ZC3H7A: variants seen among roughly 807,000 people sequenced by gnomAD.
ZC3H7A encodes the protein zinc finger CCCH-type containing 7A, also known as zinc finger CCCH domain-containing protein 7A.
Under a neutral mutation model 125.5 loss-of-function variants are expected in ZC3H7A, and 44 were observed. The ratio of observed to expected loss-of-function variants is 0.35; its 90% confidence interval spans 0.28 to 0.45. The LOEUF is 0.45. ZC3H7A is among the 20% of genes least tolerant of loss of function. The probability of loss-of-function intolerance (pLI) is 1.00; values close to 1 mark genes in which losing one functional copy is unlikely to be tolerated. For missense variants in ZC3H7A, 977 were observed against 1,170.7 expected, an observed-to-expected ratio of 0.83 and a Z score of 2.41; for synonymous variants, 399 against 391.2, an observed-to-expected ratio of 1.02 and a Z score of -0.23.
chr16:11,769,710 C>CAAAAAAAAAAAAAAAAAAAAAAAAA (rs529124830), intron 10 of ZC3H7A, among the ~76,000 whole-genome samples: 12 of 32,552 alleles, frequency 3.7e-4, no homozygotes, highest in Non-Finnish European at 4.3e-4. Context: ...GACTCTGTCT[C>CAAAAAAAAAAAAAAAAAAAAAAAAA]AAAAAAAAAA....
Position 11,776,908 on chromosome 16 carries a change from C to T in ZC3H7A, c.308G>A (p.Gly103Asp). 6.3e-7 allele frequency: 1 copy of T among 1,591,034 alleles called. No homozygotes were observed. Among genetic ancestry groups the T allele is most frequent in the Non-Finnish European group, 8.5e-7 (1 of 1,171,748 alleles). Residue 103 changes from glycine (G) to aspartate (D), a missense_variant and splice_region_variant, in exon 5 of 23, where the codon GGT becomes GAT. Physicochemically the swap from Gly to Asp is moderately conservative, Grantham distance 94 (BLOSUM62 -1). Transcript: ENST00000355758. Reference protein sequence around the residue: ...INRIACYSNMGFHDKVLEDCN... With the variant: ...INRIACYSNMDFHDKVLEDCN... ...GTCCTCCAAAACTTTATCATGGAAA[C>T]CCTGGTGTGTAAGACCAAAGAATAA...
chr16:11,764,570 A>G (rs2141175774), intron 15 of ZC3H7A, among the ~76,000 whole-genome samples: 1 of 152,128 alleles, frequency 6.6e-6, no homozygotes, highest in Admixed American at 6.5e-5. Context: ...AAAATACAAA[A>G]AATTAGCCAG....
chr16:11,761,590 T>C (rs1567375671), intron 18 of ZC3H7A, 79 bp from the exon 19 acceptor site: 2 of 1,448,442 alleles, frequency 1.4e-6, no homozygotes, highest in Non-Finnish European at 1.9e-6. Flanking sequence ...ACAAAGTTTG[T>C]ACCTGAGGAA....
intron 1 of ZC3H7A, among the ~76,000 whole-genome samples, chr16:11,787,775 G>A (rs1227453282): frequency 2.6e-5 from 4 of 152,088 alleles, no homozygotes; most frequent in South Asian, 4.2e-4. Flanking sequence ...GTGAAACCCC[G>A]TCTCTACTAA....
chr16:11,779,158 C>T lies in ZC3H7A; in HGVS notation c.306+8G>A, dbSNP rs2053133144. ...TCTAGAAACATCATTTTAAAAATTACAACTCACCATATTAGAATAGCAGGC... is the reference window on the plus strand; with the variant it reads ...TCTAGAAACATCATTTTAAAAATTATAACTCACCATATTAGAATAGCAGGC... On this transcript the variant is annotated splice_region_variant and intron_variant, in intron 4 of 22. Transcript: ENST00000355758. 2.5e-6 allele frequency: 4 copies of T among 1,574,690 alleles called. No homozygotes were observed. Among genetic ancestry groups the T allele is most frequent in the Non-Finnish European group, 3.5e-6 (4 of 1,154,098 alleles).
intron 1 of ZC3H7A, among the ~76,000 whole-genome samples, chr16:11,789,045 C>T (rs185697679): frequency 2.0e-5 from 3 of 152,140 alleles, no homozygotes; most frequent in Non-Finnish European, 2.9e-5. Flanking sequence ...CACACACACA[C>T]AAGTGCTGCT....
chr16:11,756,166 A>C (rs192724119), intron 21 of ZC3H7A, 71 bp downstream of exon 21: 596 of 1,551,468 alleles, frequency 3.8e-4, no homozygotes, highest in Non-Finnish European at 4.8e-4. Flanking sequence ...CATCTCAAAA[A>C]AAAGAAAAGG....
intron 20 of ZC3H7A, 85 bp downstream of exon 20, chr16:11,758,346 G>T: frequency 1.0e-6 from 1 of 1,004,630 alleles, no homozygotes; most frequent in Non-Finnish European, 1.6e-6. Context: ...TGCTTTCTGT[G>T]TTCACAGGAA....
intron 3 of ZC3H7A, among the ~76,000 whole-genome samples, chr16:11,780,727 G>A (rs1313998735): frequency 6.6e-6 from 1 of 152,090 alleles, no homozygotes; most frequent in Non-Finnish European, 1.5e-5. Flanking sequence ...AGGAGGGAGA[G>A]AGGCAGCAAG....
intron 1 of ZC3H7A, among the ~76,000 whole-genome samples, chr16:11,795,918 C>T (rs898991008): frequency 1.3e-5 from 2 of 152,174 alleles, no homozygotes; most frequent in Non-Finnish European, 2.9e-5. Flanking sequence ...TTCTCCCACC[C>T]CAGCCTTCCG....
intron 10 of ZC3H7A, 94 bp from the exon 11 acceptor site, chr16:11,769,189 G>T (rs2052923191): frequency 1.9e-6 from 2 of 1,036,220 alleles, no homozygotes; most frequent in Non-Finnish European, 2.7e-6. Context: ...GGCCTCCCAC[G>T]CTATTCTCCC....
At chr16:11,784,702 A>G (rs149323086) in intron 1 of ZC3H7A, among the ~76,000 whole-genome samples, 12,241 of 151,902 alleles carry the variant, frequency 0.081, 603 homozygotes, top group African/African-American at 0.12. Flanking sequence ...TGAAAATACA[A>G]AATTAGCTGG....
At position 11,772,862 on chromosome 16, in the gene ZC3H7A, A is replaced by G. The variant is rs574899666; in HGVS notation, c.903+1374T>C. On this transcript the variant is annotated intron_variant, in intron 9 of 22. Coordinates refer to ENST00000355758, the MANE Select transcript of ZC3H7A (RefSeq NM_014153.4). The stretch of plus-strand genomic sequence containing the variant: ...CAGATATGCACCACCATGCCCAGCT[A>G]ATTTTTGTGATTTTTGGTAGAGGCA... Among the ~76,000 whole-genome samples the G allele has an allele frequency of 4.6e-5, 7 of 151,796 alleles. No homozygotes were observed. In the East Asian group the frequency reaches 1.4e-3, roughly 29 times the overall value.
rs1165701253 is a variant in ZC3H7A, at chr16:11,776,343, C to G, written c.562G>C (p.Val188Leu). Residue 188 changes from valine (V) to leucine (L), a missense_variant, in exon 7 of 23, where the codon GTT becomes CTT. Val to Leu is a conservative substitution (Grantham distance 32). Around this residue, in one of 3 missense-constraint regions of ZC3H7A, gnomAD observed 199 missense variants for 256.1 expected, o/e 0.78. Coordinates refer to ENST00000355758, the MANE Select transcript of ZC3H7A (RefSeq NM_014153.4). ...ACCTTGGTAGCCCCATCCCCAGGAA[C>G]TGATTTTAATGAGAGCTGAAATAAA... The part of the protein sequence containing the change: ...YVRAELSLKS[V>L]PGDGATKALN... The G allele has an allele frequency of 5.0e-6, 8 of 1,608,742 alleles. No homozygotes were observed. Among genetic ancestry groups the G allele is most frequent in the Non-Finnish European group, 6.8e-6 (8 of 1,178,824 alleles).
chr16:11,754,321 A>ATATAT (rs1555493021), intron 21 of ZC3H7A, among the ~76,000 whole-genome samples: 4 of 140,454 alleles, frequency 2.8e-5, no homozygotes, highest in Non-Finnish European at 6.1e-5. Flanking sequence ...AAGAAAAAAA[A>ATATAT]ATATATATAT....
chr16:11,752,924 C>A (rs1597527359), intron 21 of ZC3H7A, 92 bp from the exon 22 acceptor site: 3 of 1,499,704 alleles, frequency 2.0e-6, no homozygotes, highest in Non-Finnish European at 2.7e-6. Flanking sequence ...GAGAGCCAGG[C>A]AAGACATAAA....
chr16:11,763,463 C>A lies in ZC3H7A; in HGVS notation c.2002+15G>T. The A allele has an allele frequency of 1.3e-6, 2 of 1,587,470 alleles. No homozygotes were observed. Among genetic ancestry groups the A allele is most frequent in the Non-Finnish European group, 8.6e-7 (1 of 1,164,702 alleles). On this transcript the variant is annotated intron_variant, in intron 16 of 22. Transcript: ENST00000355758. ...CTCTTGAGGAGACATACTTCTCAGT[C>A]GCACTCAAACCTACCTGTTTCATTT...
chr16:11,767,153 G>A (rs1464318218), intron 13 of ZC3H7A, among the ~76,000 whole-genome samples: 2 of 152,100 alleles, frequency 1.3e-5, no homozygotes, highest in Non-Finnish European at 2.9e-5. Flanking sequence ...CCTTTCCTAT[G>A]TTTAGATACA....
chr16:11,752,561 A>G, intron 22 of ZC3H7A, 108 bp downstream of exon 22: 1 of 1,379,898 alleles, frequency 7.2e-7, no homozygotes, highest in East Asian at 2.4e-5. Context: ...CTGTCAGAGC[A>G]CAGCAACATT....
Sources: allele counts gnomAD v4.1 joint callset (sites outside exome capture counted in the v4.1 genomes callset), GRCh38; gene constraint gnomAD v4.1.1; regional missense constraint gnomAD v4.1.1; transcripts MANE v1.5; gene names NCBI Gene and HGNC (gene_info 2026-07-23, HGNC 2026-07-21).